Variants in UNC79 observed in about 807,000 individuals in gnomAD.
UNC79 encodes the protein protein unc-79 homolog.
A neutral mutation model predicts 283.1 loss-of-function variants in UNC79; 37 were observed. That is an observed-to-expected ratio of 0.13 (90% confidence interval 0.10 to 0.17). The LOEUF (loss-of-function observed/expected upper bound fraction) is 0.17. Among genes scored for constraint, UNC79 ranks in the 10% least tolerant of loss-of-function variants. The probability of loss-of-function intolerance (pLI) is 1.00; values close to 1 mark genes in which losing one functional copy is unlikely to be tolerated. For missense variants in UNC79, 2,272 were observed against 3,211.1 expected, an observed-to-expected ratio of 0.71 and a Z score of 7.07; for synonymous variants, 1,107 against 1,200.2, an observed-to-expected ratio of 0.92 and a Z score of 1.61.
At chr14:93,583,624 G>T (rs1037827445) in intron 20 of UNC79, among the ~76,000 whole-genome samples, 1 of 152,148 alleles carries the variant, frequency 6.6e-6, no homozygotes, top group Non-Finnish European at 1.5e-5. Flanking sequence ...AGGTGAGCTG[G>T]TTCACTGGTT....
At chr14:93,489,768 C>G (rs1357078580) in intron 5 of UNC79, among the ~76,000 whole-genome samples, 1 of 152,174 alleles carries the variant, frequency 6.6e-6, no homozygotes, top group Non-Finnish European at 1.5e-5. Context: ...AAGACCCTGC[C>G]CCTGTGGCTT....
At chr14:93,460,346 A>G (rs2056923240) in intron 1 of UNC79, among the ~76,000 whole-genome samples, 1 of 151,786 alleles carries the variant, frequency 6.6e-6, no homozygotes, top group South Asian at 2.1e-4. Flanking sequence ...TGTCTCTACT[A>G]AAAATACAAA....
intron 31 of UNC79, among the ~76,000 whole-genome samples, chr14:93,631,940 A>T (rs1162180758): frequency 6.6e-6 from 1 of 152,234 alleles, no homozygotes; most frequent in Non-Finnish European, 1.5e-5. Context: ...AACATCTATC[A>T]TGTGCCAGGC....
intron 14 of UNC79, among the ~76,000 whole-genome samples, chr14:93,555,604 A>C (rs1481887170): frequency 6.6e-6 from 1 of 152,130 alleles, no homozygotes; most frequent in Non-Finnish European, 1.5e-5. Flanking sequence ...GGGTTTCACC[A>C]TGTTGACCAG....
intron 20 of UNC79, among the ~76,000 whole-genome samples, chr14:93,584,485 T>A (rs2064069436): frequency 6.6e-6 from 1 of 152,170 alleles, no homozygotes; most frequent in Non-Finnish European, 1.5e-5. Context: ...TTGTTGTAGG[T>A]GCTGCAGCAG....
At chr14:93,628,954 T>C (rs2067796149) in intron 30 of UNC79, among the ~76,000 whole-genome samples, 1 of 152,292 alleles carries the variant, frequency 6.6e-6, no homozygotes, top group Non-Finnish European at 1.5e-5. Context: ...ATCCGAGCAC[T>C]TTGGGAGGCC....
Position 93,690,477 on chromosome 14 carries a change from C to T in UNC79, c.7272+174C>T. ...ATTTAAAGTTGTTTAGATTCCCAGA[C>T]TGTCTTTCCCCCCGCCCCCAAATTG... is the stretch of plus-strand genomic sequence containing the variant. On this transcript the variant is annotated intron_variant, in intron 45 of 48. Coordinates refer to ENST00000555664, the Ensembl canonical transcript of UNC79. The surrounding 1 kb of genome is among the most constrained non-coding windows in gnomAD (Gnocchi z 4.3). 1.5e-6 allele frequency: 1 copy of T among 663,578 alleles called. No homozygotes were observed. The highest frequency in any genetic ancestry group is 2.3e-6 in the Non-Finnish European group (1 of 437,902). 41.1% of individuals were successfully genotyped at this position (663,578 alleles called of 1,614,324 possible).
chr14:93,460,339 C>T (rs2056923059), intron 1 of UNC79, among the ~76,000 whole-genome samples: 1 of 151,022 alleles, frequency 6.6e-6, no homozygotes, highest in Non-Finnish European at 1.5e-5. Flanking sequence ...GAAACCCTGT[C>T]TCTACTAAAA....
rs768914533 is a variant in UNC79 at position 93,388,116 on chromosome 14, CT to C, written c.-351+54605del. On this transcript the variant is annotated intron_variant, in intron 1 of 49. Coordinates refer to the UNC79 transcript ENST00000256339. Reference sequence around the variant, plus strand: ...CTCATTCTTTTCAAAAGTTAATATTCTTTTTTTTTTTTCGAGTTGGAGTCTT... The same window carrying C: ...CTCATTCTTTTCAAAAGTTAATATTCTTTTTTTTTTTCGAGTTGGAGTCTT... Among the ~76,000 whole-genome samples the C allele has an allele frequency of 5.3e-3, 773 of 145,394 alleles. 4 individuals carry two copies. Among genetic ancestry groups the C allele is most frequent in the African/African-American group, 0.017 (679 of 39,866 alleles).
At chr14:93,516,404 T>G (rs1400054769) in intron 7 of UNC79, among the ~76,000 whole-genome samples, 1 of 146,652 alleles carries the variant, frequency 6.8e-6, no homozygotes, top group Non-Finnish European at 1.5e-5. Flanking sequence ...TAAATTTTAC[T>G]ATCAGTTTGT....
intron 1 of UNC79, chr14:93,347,439 C>G: frequency 7.1e-7 from 1 of 1,412,576 alleles, no homozygotes; most frequent in South Asian, 1.5e-5. Flanking sequence ...AGCGCGTGGC[C>G]CTGGCGGGGC....
intron 31 of UNC79, among the ~76,000 whole-genome samples, chr14:93,633,241 T>C (rs2068186642): frequency 6.6e-6 from 1 of 152,184 alleles, no homozygotes; most frequent in Non-Finnish European, 1.5e-5. Context: ...GAGTAGTCAT[T>C]TCCATGAGTT....
At chr14:93,402,898 G>A (rs1171036894) in intron 1 of UNC79, among the ~76,000 whole-genome samples, 1 of 152,174 alleles carries the variant, frequency 6.6e-6, no homozygotes, top group Admixed American at 6.5e-5. Flanking sequence ...AGCCTCAAGA[G>A]GTCCTGATGA....
At chr14:93,587,696 G>A (rs1275503192) in intron 22 of UNC79, among the ~76,000 whole-genome samples, 1 of 152,146 alleles carries the variant, frequency 6.6e-6, no homozygotes, top group Non-Finnish European at 1.5e-5. Flanking sequence ...TCAAATTTGT[G>A]TACGTTTGAG....
At chr14:93,509,770 A>G (rs75666034) in intron 7 of UNC79, among the ~76,000 whole-genome samples, 4,479 of 152,150 alleles carry the variant, frequency 0.029, 233 homozygotes, top group African/African-American at 0.1. Context: ...GAGTACCCGC[A>G]GCTTTTCCAG....
chr14:93,392,418 A>G (rs1400762513), intron 1 of UNC79, among the ~76,000 whole-genome samples: 1 of 152,230 alleles, frequency 6.6e-6, no homozygotes, highest in Non-Finnish European at 1.5e-5. Context: ...GGAAGGGTAC[A>G]GGTGATTAAA....
chr14:93,496,535 C>T (rs1283615106), intron 6 of UNC79, 69 bp downstream of exon 6: 25 of 1,095,266 alleles, frequency 2.3e-5, no homozygotes, highest in Non-Finnish European at 2.8e-5. Flanking sequence ...AAACTGTTTA[C>T]GTATTAAAAC....
intron 25 of UNC79, 138 bp from the exon 26 acceptor site, chr14:93,603,101 C>T: frequency 1.0e-6 from 1 of 983,052 alleles, no homozygotes. Context: ...ATGTAGGACT[C>T]ATCATAGAGG....
At chr14:93,666,257 A>G (rs1035740159) in intron 40 of UNC79, among the ~76,000 whole-genome samples, 1 of 152,166 alleles carries the variant, frequency 6.6e-6, no homozygotes, top group Non-Finnish European at 1.5e-5. Context: ...TAAAAATTCA[A>G]TCAAGACAAA....
Sources: gnomAD v4.1 joint callset for allele counts (sites outside exome capture counted in the v4.1 genomes callset) on GRCh38, gnomAD v4.1.1 for gene constraint, Gnocchi (gnomAD v3.1) non-coding constraint, MANE v1.5 for transcripts, NCBI Gene and HGNC (gene_info 2026-07-23, HGNC 2026-07-21) for gene names.